Variants in TDRD3 observed in about 807,000 individuals in gnomAD.
TDRD3 encodes the protein tudor domain-containing protein 3.
In TDRD3, 45 loss-of-function variants were observed where a neutral mutation model predicts 86.7. The ratio of observed to expected loss-of-function variants is 0.52; its 90% CI spans 0.41 to 0.67. The LOEUF is 0.67. Ranked by LOEUF, TDRD3 falls within the 30% of genes least tolerant of loss-of-function variation. TDRD3 has a pLI of 0.00. For missense variants in TDRD3, 814 were observed against 889.0 expected (o/e 0.92, Z 1.07); for synonymous variants, 298 against 301.7 (o/e 0.99, Z 0.13).
chr13:60,539,682 A>G (rs1424037570), intron 12 of TDRD3, among the ~76,000 whole-genome samples: 1 of 151,824 alleles, frequency 6.6e-6, no homozygotes, highest in African/African-American at 2.4e-5. Flanking sequence ...TTATAATGTC[A>G]TCCTGGGAAG....
At chr13:60,528,067 A>G (rs549178806) in intron 10 of TDRD3, among the ~76,000 whole-genome samples, 3 of 152,314 alleles carry the variant, frequency 2.0e-5, no homozygotes, top group Non-Finnish European at 4.4e-5. Flanking sequence ...GTTTTAGGAA[A>G]TGATTTACCA....
intron 3 of TDRD3, among the ~76,000 whole-genome samples, chr13:60,446,873 G>C (rs1955412308): frequency 6.6e-6 from 1 of 152,108 alleles, no homozygotes; most frequent in Admixed American, 6.6e-5. Flanking sequence ...TACCATTAAT[G>C]ATGACTATAA....
chr13:60,564,353 C>T (rs574083100), intron 12 of TDRD3, among the ~76,000 whole-genome samples: 2 of 152,130 alleles, frequency 1.3e-5, no homozygotes, highest in South Asian at 4.1e-4. Context: ...TTGGTCAAGG[C>T]GGGACAACTT....
intron 13 of TDRD3, among the ~76,000 whole-genome samples, chr13:60,570,593 A>C (rs1958566258): frequency 1.3e-5 from 2 of 152,198 alleles, no homozygotes; most frequent in African/African-American, 4.8e-5. Context: ...AGGGTATTTT[A>C]TTTCTTTTTA....
chr13:60,521,839 G>A (rs921454457), intron 10 of TDRD3, among the ~76,000 whole-genome samples: 1 of 152,128 alleles, frequency 6.6e-6, no homozygotes, highest in Non-Finnish European at 1.5e-5. Context: ...GGAGGTTGCG[G>A]TGAGCCGAGA....
intron 13 of TDRD3, among the ~76,000 whole-genome samples, chr13:60,568,289 C>A (rs1958510639): frequency 6.6e-6 from 1 of 152,158 alleles, no homozygotes; most frequent in Non-Finnish European, 1.5e-5. Context: ...AATGTAGCAC[C>A]TTTTTCCTTT....
intron 13 of TDRD3, among the ~76,000 whole-genome samples, chr13:60,570,502 G>A (rs1249022926): frequency 6.6e-6 from 1 of 152,174 alleles, no homozygotes; most frequent in Non-Finnish European, 1.5e-5. Context: ...CAGTAAGTTG[G>A]TTCCTAAAAA....
intron 3 of TDRD3, among the ~76,000 whole-genome samples, chr13:60,454,608 G>C (rs968855452): frequency 6.6e-6 from 1 of 152,010 alleles, no homozygotes; most frequent in Admixed American, 6.6e-5. Flanking sequence ...GTGAGTTAAA[G>C]TGCTGGCTAA....
At chr13:60,481,847 A>G (rs930776397) in intron 5 of TDRD3, among the ~76,000 whole-genome samples, 2 of 152,046 alleles carry the variant, frequency 1.3e-5, no homozygotes, top group African/African-American at 4.8e-5. Flanking sequence ...GGATTTTGCT[A>G]TTTTCCTTTA....
chr13:60,480,922 C>G (rs1956297563), intron 5 of TDRD3, among the ~76,000 whole-genome samples: 1 of 151,894 alleles, frequency 6.6e-6, no homozygotes, highest in Admixed American at 6.6e-5. Context: ...GGTGGGAAGC[C>G]CTCTGGTATT....
chr13:60,528,051 A>G lies in TDRD3; in HGVS notation c.1142-316A>G, dbSNP rs147487026. On this transcript the variant is annotated intron_variant, in intron 10 of 13. Transcript: ENST00000377881. The stretch of plus-strand genomic sequence containing the variant: ...AGTTAGCAATTTGCAGTTCTATTTC[A>G]TTAATGTTTTAGGAAATGATTTACC... 7.6e-3 allele frequency among the ~76,000 whole-genome samples: 1,153 copies of G among 152,302 alleles called. 18 individuals carry two copies. The highest frequency in any genetic ancestry group is 0.027 in the African/African-American group (1,116 of 41,554).
At chr13:60,537,011 A>G (rs1595086069) in intron 12 of TDRD3, 2 of 152,090 alleles carry the variant, frequency 1.3e-5, no homozygotes, top group South Asian at 2.1e-4. Flanking sequence ...AACTACAGCA[A>G]TACTTTCATA....
intron 1 of TDRD3, among the ~76,000 whole-genome samples, chr13:60,399,201 C>T (rs151032007): frequency 1.2e-4 from 18 of 152,304 alleles, no homozygotes; most frequent in African/African-American, 3.8e-4. Flanking sequence ...CTTGGAATGC[C>T]CCTGCCAGTC....
chr13:60,485,755 CTT>C, intron 6 of TDRD3, 42 bp from the exon 7 acceptor site: 7 of 1,457,736 alleles, frequency 4.8e-6, no homozygotes, highest in Non-Finnish European at 6.4e-6. Context: ...ACTTGAATCT[CTT>C]TTGGAACTAC....
intron 12 of TDRD3, chr13:60,537,896 G>C (rs940493561): frequency 1.3e-5 from 2 of 151,802 alleles, no homozygotes; most frequent in Non-Finnish European, 2.9e-5. Flanking sequence ...TTTTAAACTA[G>C]TTTGCAGAAA....
At chr13:60,482,641 G>A (rs1295664241) in intron 5 of TDRD3, among the ~76,000 whole-genome samples, 1 of 152,092 alleles carries the variant, frequency 6.6e-6, no homozygotes, top group South Asian at 2.1e-4. Flanking sequence ...TGCATTTGTT[G>A]TTGTGAAAAA....
chr13:60,407,134 G>C (rs745774305), intron 1 of TDRD3, among the ~76,000 whole-genome samples: 6 of 152,180 alleles, frequency 3.9e-5, no homozygotes, highest in Non-Finnish European at 8.8e-5. Flanking sequence ...GAGAGAAATA[G>C]GGACATATGT....
At chr13:60,562,626 C>T (rs115012263) in intron 12 of TDRD3, among the ~76,000 whole-genome samples, 1,876 of 152,240 alleles carry the variant, frequency 0.012, 40 homozygotes, top group African/African-American at 0.043. Flanking sequence ...GATATGTACT[C>T]ATTAACATTT....
chr13:60,428,882 T>G (rs1257608925), intron 1 of TDRD3, among the ~76,000 whole-genome samples: 1 of 152,190 alleles, frequency 6.6e-6, no homozygotes, highest in East Asian at 1.9e-4. Context: ...GAGTAAAGCT[T>G]CTTCTAGTAT....
Sources: gnomAD v4.1 joint callset for allele counts (sites outside exome capture counted in the v4.1 genomes callset) on GRCh38, gnomAD v4.1.1 for gene constraint, MANE v1.5 for transcripts, NCBI Gene and HGNC (gene_info 2026-07-23, HGNC 2026-07-21) for gene names.